The following AXDND1 variants were observed in gnomAD, a reference collection of about 807,000 sequenced individuals.
AXDND1 encodes the protein axonemal dynein light chain domain-containing protein 1.
A neutral mutation model predicts 137.5 loss-of-function variants in AXDND1; 110 were observed. The observed-to-expected ratio is 0.80, with a 90% confidence interval of 0.69 to 0.94. The LOEUF (loss-of-function observed/expected upper bound fraction) is 0.94, where lower values mean the gene tolerates loss of function less well. Ranked by LOEUF, AXDND1 falls within the 40% of genes least tolerant of loss-of-function variation. The pLI, the probability that AXDND1 is intolerant of heterozygous loss-of-function variation, is 0.00. For synonymous variants in AXDND1, 414 were observed against 399.7 expected, an observed-to-expected ratio of 1.04 and a Z score of -0.43; for missense variants, 1,191 against 1,169.8, an observed-to-expected ratio of 1.02 and a Z score of -0.26.
chr1:179,466,285 C>CTTT (rs143320609), intron 16 of AXDND1, among the ~76,000 whole-genome samples: 11 of 87,796 alleles, frequency 1.3e-4, no homozygotes, highest in Admixed American at 4.3e-4. Flanking sequence ...TCTTCTTCTT[C>CTTT]TTTTTTTTTT....
intron 16 of AXDND1, among the ~76,000 whole-genome samples, chr1:179,457,990 C>CTTTTTTTTTTTTTTTTTTT (rs34295838): frequency 1.4e-5 from 2 of 145,546 alleles, no homozygotes; most frequent in African/African-American, 2.6e-5. Flanking sequence ...CTTTCCTTCT[C>CTTTTTTTTTTTTTTTTTTT]TTTTTTTTTT....
intron 9 of AXDND1, among the ~76,000 whole-genome samples, chr1:179,391,571 C>G (rs1036920740): frequency 6.6e-6 from 1 of 151,866 alleles, no homozygotes; most frequent in Non-Finnish European, 1.5e-5. Flanking sequence ...GAGTCTCACT[C>G]TGTTGCCCAG....
In AXDND1 at chr1:179,366,384, C is replaced by G; in HGVS notation, c.-106-20C>G. On this transcript the variant is annotated intron_variant, in intron 1 of 25. Coordinates refer to ENST00000367618, the MANE Select transcript of AXDND1 (RefSeq NM_144696.6). ...GTCATCTTTTTTTTTTTTTTTAAAT[C>G]TTTTTTCCTCTGCCTGCAGGACTAT... 1.2e-5 allele frequency: 5 copies of G among 423,704 alleles called. No individual in the cohort carries two copies. Among genetic ancestry groups the G allele is most frequent in the South Asian group, 3.1e-5 (1 of 32,102 alleles). The allele number at this position is 423,704 out of a possible 1,614,324, so 26.2% of individuals were successfully genotyped here.
intron 12 of AXDND1, among the ~76,000 whole-genome samples, chr1:179,422,093 A>G (rs1655839441): frequency 2.0e-5 from 3 of 148,986 alleles, no homozygotes; most frequent in African/African-American, 7.3e-5. Flanking sequence ...GATTCCTTGT[A>G]TTTATTGTCT....
At chr1:179,366,243 C>G in intron 1 of AXDND1, 161 bp from the exon 2 acceptor site, 1 of 267,104 alleles carries the variant, frequency 3.7e-6, no homozygotes, top group Non-Finnish European at 7.3e-6. Context: ...ACCTGACGGT[C>G]CACTAAGGCT....
chr1:179,502,697 C>T (rs151136247), intron 20 of AXDND1, among the ~76,000 whole-genome samples: 43 of 151,652 alleles, frequency 2.8e-4, no homozygotes, highest in African/African-American at 1.0e-3. Context: ...AATCAGTTGA[C>T]ATTATCTGTT....
At chr1:179,541,485 T>TG (rs66481542) in intron 25 of AXDND1, among the ~76,000 whole-genome samples, 39 of 133,498 alleles carry the variant, frequency 2.9e-4, no homozygotes, top group Non-Finnish European at 5.6e-4. Context: ...TTTTGTTTTT[T>TG]TTTTTTTTTT....
intron 4 of AXDND1, among the ~76,000 whole-genome samples, chr1:179,372,982 C>T (rs759280865): frequency 2.0e-5 from 3 of 152,026 alleles, no homozygotes; most frequent in Admixed American, 6.6e-5. Context: ...CACGCCTGGC[C>T]CTCTAATTAT....
At chr1:179,520,369 C>T (rs576565354) in intron 21 of AXDND1, among the ~76,000 whole-genome samples, 6 of 152,310 alleles carry the variant, frequency 3.9e-5, no homozygotes, top group Admixed American at 3.9e-4. Flanking sequence ...ATTTTCATAT[C>T]TGGTAGGACC....
At chr1:179,457,707 A>G (rs10913776) in intron 16 of AXDND1, among the ~76,000 whole-genome samples, 130,844 of 152,222 alleles carry the variant, frequency 0.86, 56,431 homozygotes, top group East Asian at 0.9. Context: ...TTGTTAAGGA[A>G]GGGAGCCCTG....
intron 25 of AXDND1, among the ~76,000 whole-genome samples, chr1:179,536,193 T>C (rs1419144565): frequency 6.6e-6 from 1 of 152,248 alleles, no homozygotes; most frequent in Non-Finnish European, 1.5e-5. Context: ...TTTCTTTTGC[T>C]GTGCAGAAGC....
At chr1:179,509,452 T>C in intron 21 of AXDND1, 49 bp downstream of exon 21, 1 of 1,211,488 alleles carries the variant, frequency 8.3e-7, no homozygotes, top group Non-Finnish European at 1.2e-6. Flanking sequence ...ATTCCTGTAT[T>C]TCAGTACAGA....
At chr1:179,540,704 A>G (rs1458003719) in intron 25 of AXDND1, among the ~76,000 whole-genome samples, 1 of 152,212 alleles carries the variant, frequency 6.6e-6, no homozygotes, top group African/African-American at 2.4e-5. Context: ...TCTGTCTGTT[A>G]TCAGAGCTCG....
chr1:179,406,694 G>T (rs965581228), intron 11 of AXDND1, among the ~76,000 whole-genome samples: 4 of 151,980 alleles, frequency 2.6e-5, no homozygotes, highest in African/African-American at 9.7e-5. Flanking sequence ...TTTGGTTTCT[G>T]TCTGCATAGA....
chr1:179,376,494 T>C (rs1052703198), intron 4 of AXDND1, among the ~76,000 whole-genome samples: 12 of 152,212 alleles, frequency 7.9e-5, no homozygotes, highest in African/African-American at 2.4e-4. Flanking sequence ...TACTACATTT[T>C]CAGTTTGCCG....
chr1:179,380,552 A>G (rs1648089396), intron 6 of AXDND1, among the ~76,000 whole-genome samples: 1 of 152,168 alleles, frequency 6.6e-6, no homozygotes, highest in African/African-American at 2.4e-5. Context: ...ATTCCTGTTT[A>G]TGGGATTGAA....
rs376602315 is a variant in AXDND1 at position 179,419,221 on chromosome 1, C to T, written c.1230+7955C>T. 1.3e-3 allele frequency among the ~76,000 whole-genome samples: 202 copies of T among 151,832 alleles called. 1 individual carries two copies. Among genetic ancestry groups the T allele is most frequent in the African/African-American group, 4.7e-3 (194 of 41,476 alleles). ...CTCACTTCCCAGACGGGGTGGCAGC[C>T]GGGCAGAGGCTGCAATCTCGGCTCT... On this transcript the variant is annotated intron_variant, in intron 12 of 25. Transcript: ENST00000367618.
intron 15 of AXDND1, among the ~76,000 whole-genome samples, chr1:179,435,891 G>A (rs182300623): frequency 2.0e-5 from 3 of 152,110 alleles, no homozygotes; most frequent in African/African-American, 4.8e-5. Context: ...TATCATCAGA[G>A]TGAACAGGCA....
intron 21 of AXDND1, among the ~76,000 whole-genome samples, chr1:179,521,043 C>T (rs1670016412): frequency 6.6e-6 from 1 of 151,978 alleles, no homozygotes; most frequent in African/African-American, 2.4e-5. Context: ...TTCACTGCAG[C>T]CTTGACTTCC....
Sources: gnomAD v4.1 joint callset for allele counts (sites outside exome capture counted in the v4.1 genomes callset) on GRCh38, gnomAD v4.1.1 for gene constraint, MANE v1.5 for transcripts, NCBI Gene and HGNC (gene_info 2026-07-23, HGNC 2026-07-21) for gene names.